The following NTRK3 variants were observed in gnomAD, a reference collection of about 807,000 sequenced individuals.
NTRK3 encodes the protein neurotrophic receptor tyrosine kinase 3, also known as NT-3 growth factor receptor.
Under a neutral mutation model 91.7 loss-of-function variants are expected in NTRK3, and 24 were observed. The ratio of observed to expected loss-of-function variants is 0.26; its 90% CI spans 0.19 to 0.37. The LOEUF (loss-of-function observed/expected upper bound fraction) is 0.37, where lower values mean the gene tolerates loss of function less well. Among genes scored for constraint, NTRK3 ranks in the 10% least tolerant of loss-of-function variants. NTRK3 has a pLI of 1.00. For synonymous variants in NTRK3, 483 were observed against 404.0 expected (o/e 1.20, Z -2.34); for missense variants, 880 against 1,068.9 (o/e 0.82, Z 2.46).
intron 3 of NTRK3, among the ~76,000 whole-genome samples, chr15:88,203,440 G>T (rs1206001000): frequency 1.3e-5 from 2 of 152,144 alleles, no homozygotes; most frequent in African/African-American, 4.8e-5. Flanking sequence ...GTCAGTCTCT[G>T]CATTTACCCC....
chr15:87,924,436 C>A (rs1313685068), intron 17 of NTRK3, among the ~76,000 whole-genome samples: 2 of 152,128 alleles, frequency 1.3e-5, no homozygotes, highest in Non-Finnish European at 2.9e-5. Context: ...CTACCTGCTG[C>A]CAGACCTGTT....
intron 14 of NTRK3, among the ~76,000 whole-genome samples, chr15:88,018,023 A>T (rs1054095879): frequency 6.6e-6 from 1 of 152,194 alleles, no homozygotes. Context: ...CCCAGCCACA[A>T]TCTGGGTGAC....
chr15:87,925,216 G>A (rs2068191902), intron 17 of NTRK3, among the ~76,000 whole-genome samples: 1 of 152,220 alleles, frequency 6.6e-6, no homozygotes, highest in South Asian at 2.1e-4. Context: ...GTGTTCTGGT[G>A]TGGGAACATT....
chr15:88,092,788 A>C (rs950027033), intron 13 of NTRK3, among the ~76,000 whole-genome samples: 3 of 152,054 alleles, frequency 2.0e-5, no homozygotes, highest in Non-Finnish European at 2.9e-5. Flanking sequence ...ACATCACTCC[A>C]ATCTTCAAGG....
chr15:88,225,546 G>A (rs2050598674), intron 3 of NTRK3, among the ~76,000 whole-genome samples: 1 of 152,180 alleles, frequency 6.6e-6, no homozygotes, highest in Non-Finnish European at 1.5e-5. Context: ...AGGAGATGAA[G>A]AAGAGAGACA....
chr15:88,182,869 A>G (rs895982824), intron 5 of NTRK3, among the ~76,000 whole-genome samples: 43 of 152,138 alleles, frequency 2.8e-4, no homozygotes, highest in African/African-American at 1.0e-3. Flanking sequence ...ACCCCCACCC[A>G]TAACCACCTG....
chr15:87,887,786 T>C (rs2065634885), intron 17 of NTRK3, among the ~76,000 whole-genome samples: 1 of 152,158 alleles, frequency 6.6e-6, no homozygotes, highest in African/African-American at 2.4e-5. Context: ...TAGTGCTAAT[T>C]AATTAATAAT....
intron 13 of NTRK3, among the ~76,000 whole-genome samples, chr15:88,074,670 G>A (rs893839077): frequency 6.6e-6 from 1 of 152,214 alleles, no homozygotes; most frequent in Non-Finnish European, 1.5e-5. Context: ...CGTATATGAT[G>A]TGGTTTTCCT....
At chr15:88,027,107 G>C (rs965541156) in intron 14 of NTRK3, among the ~76,000 whole-genome samples, 1 of 152,036 alleles carries the variant, frequency 6.6e-6, no homozygotes, top group Non-Finnish European at 1.5e-5. Flanking sequence ...TCAATCACTA[G>C]AAGTCTAGGC....
At chr15:88,058,464 G>A (rs899092523) in intron 13 of NTRK3, among the ~76,000 whole-genome samples, 6 of 152,154 alleles carry the variant, frequency 3.9e-5, no homozygotes, top group African/African-American at 1.4e-4. Context: ...AAGGTCAAAG[G>A]TTAGTGCAAG....
At chr15:87,966,100 A>AAACC in intron 14 of NTRK3, among the ~76,000 whole-genome samples, 1 of 151,922 alleles carries the variant, frequency 6.6e-6, no homozygotes, top group Non-Finnish European at 1.5e-5. Context: ...ACAAACAAAC[A>AAACC]AACAAACAAA....
chr15:88,246,321 A>G (rs2052815540), intron 3 of NTRK3, among the ~76,000 whole-genome samples: 1 of 152,240 alleles, frequency 6.6e-6, no homozygotes. Context: ...GTTATCTCCT[A>G]AAGCAGACAC....
rs2045092538 is a variant in NTRK3, at chr15:88,167,522, TG to T, written c.395+15895del. Among the ~76,000 whole-genome samples, 3 of 152,352 alleles carry T rather than the reference TG, an allele frequency of 2.0e-5. No homozygotes were observed. In the South Asian group the frequency reaches 6.2e-4, roughly 32 times the overall value. ...TTCCTCACTAGTAAAACAGGGATGA[TG>T]GTAATTGCTAGCTACTTCATCTTAT... On this transcript the variant is annotated intron_variant, in intron 5 of 18. Transcript: ENST00000394480.
At chr15:87,932,754 C>T (rs2068917119) in intron 16 of NTRK3, among the ~76,000 whole-genome samples, 1 of 152,184 alleles carries the variant, frequency 6.6e-6, no homozygotes, top group Admixed American at 6.5e-5. Flanking sequence ...CTATTCCAGA[C>T]CCTGTCCATT....
intron 3 of NTRK3, among the ~76,000 whole-genome samples, chr15:88,249,624 C>G (rs2053165781): frequency 6.6e-6 from 1 of 152,148 alleles, no homozygotes; most frequent in African/African-American, 2.4e-5. Context: ...AAGCCCTGCA[C>G]TTAGAGGCGG....
intron 14 of NTRK3, among the ~76,000 whole-genome samples, chr15:87,972,930 G>T (rs1276273561): frequency 1.3e-5 from 2 of 152,124 alleles, no homozygotes; most frequent in Non-Finnish European, 2.9e-5. Flanking sequence ...CGTCCCTGTG[G>T]GATCTGTGCT....
At chr15:88,170,863 A>G (rs778070004) in intron 5 of NTRK3, among the ~76,000 whole-genome samples, 1 of 152,130 alleles carries the variant, frequency 6.6e-6, no homozygotes, top group Non-Finnish European at 1.5e-5. Context: ...AGCTCTAGCA[A>G]GACAGATGCA....
At chr15:88,165,549 T>A (rs2044853109) in intron 5 of NTRK3, among the ~76,000 whole-genome samples, 1 of 152,198 alleles carries the variant, frequency 6.6e-6, no homozygotes, top group African/African-American at 2.4e-5. Context: ...TAAAGAAAAT[T>A]GGGATACAGA....
At chr15:88,093,015 C>T (rs1341835660) in intron 13 of NTRK3, among the ~76,000 whole-genome samples, 1 of 151,340 alleles carries the variant, frequency 6.6e-6, no homozygotes, top group Non-Finnish European at 1.5e-5. Flanking sequence ...GGGATTAGGA[C>T]CTGATTTTTT....
Sources: allele counts gnomAD v4.1 joint callset (sites outside exome capture counted in the v4.1 genomes callset), GRCh38; gene constraint gnomAD v4.1.1; transcripts MANE v1.5; gene names NCBI Gene and HGNC (gene_info 2026-07-23, HGNC 2026-07-21).